CSMD3: variants seen among roughly 807,000 people sequenced by gnomAD.
CSMD3 encodes the protein CUB and sushi domain-containing protein 3.
In CSMD3, 177 loss-of-function variants were observed where a neutral mutation model predicts 435.2. That is an observed-to-expected ratio of 0.41 (90% CI 0.36 to 0.46). The LOEUF (loss-of-function observed/expected upper bound fraction) is 0.46. Among genes scored for constraint, CSMD3 ranks in the 20% least tolerant of loss-of-function variants. CSMD3 has a pLI of 0.34. For missense variants in CSMD3, 4,265 were observed against 4,504.6 expected (o/e 0.95, Z 1.52); for synonymous variants, 1,656 against 1,520.5 (o/e 1.09, Z -2.07).
At chr8:113,297,549 T>C (rs938023860) in intron 2 of CSMD3, among the ~76,000 whole-genome samples, 1 of 152,078 alleles carries the variant, frequency 6.6e-6, no homozygotes, top group African/African-American at 2.4e-5. Context: ...TAATTAGTAA[T>C]CTAAAAATGC....
At position 112,859,146 on chromosome 8, in the gene CSMD3, T is replaced by C. The variant is rs2129856213; in HGVS notation, c.1754A>G (p.Lys585Arg). 6.2e-7 allele frequency: 1 copy of C among 1,610,486 alleles called. No individual in the cohort carries two copies. Among genetic ancestry groups the C allele is most frequent in the Non-Finnish European group, 8.5e-7 (1 of 1,177,092 alleles). Residue 585 changes from lysine (K) to arginine (R), a missense_variant and splice_region_variant, in exon 11 of 71, where the codon AAG (lysine) becomes AGG (arginine). Lys to Arg is a conservative substitution (Grantham distance 26, BLOSUM62 2). Around this residue, in one of 3 missense-constraint regions of CSMD3, gnomAD observed 731 missense variants for 755.4 expected, o/e 0.97. Transcript: ENST00000297405. ...VWVITAVNTN[K>R]VIQINFEEFD... Reference sequence around the variant, plus strand: ...AAATCACAGATGGTGTTCTCTTACCTTATTTGTATTCACTGCTGTGATGAC... The same window carrying C: ...AAATCACAGATGGTGTTCTCTTACCCTATTTGTATTCACTGCTGTGATGAC...
intron 9 of CSMD3, among the ~76,000 whole-genome samples, chr8:112,943,828 C>T (rs1221304327): frequency 6.6e-6 from 1 of 151,598 alleles, no homozygotes; most frequent in African/African-American, 2.4e-5. Context: ...ATCCACTCTC[C>T]TTTTAAAAGT....
chr8:113,102,500 G>C (rs2090358711), intron 4 of CSMD3, among the ~76,000 whole-genome samples: 1 of 152,062 alleles, frequency 6.6e-6, no homozygotes, highest in Admixed American at 6.6e-5. Context: ...CTAAGCAAAT[G>C]ACAAAGTGAA....
At chr8:113,326,577 C>A (rs375321637) in intron 1 of CSMD3, among the ~76,000 whole-genome samples, 1 of 152,000 alleles carries the variant, frequency 6.6e-6, no homozygotes, top group Non-Finnish European at 1.5e-5. Context: ...CATATTAGTA[C>A]GCTCTACATT....
At chr8:113,067,681 A>G (rs2088920306) in intron 5 of CSMD3, among the ~76,000 whole-genome samples, 1 of 152,138 alleles carries the variant, frequency 6.6e-6, no homozygotes, top group Admixed American at 6.5e-5. Flanking sequence ...TACAGCAGAA[A>G]GTAACACTCA....
intron 4 of CSMD3, among the ~76,000 whole-genome samples, chr8:113,143,211 C>G (rs916100676): frequency 6.6e-6 from 1 of 151,084 alleles, no homozygotes. Context: ...AATAAACACA[C>G]AAAAAGGTGT....
chr8:112,555,029 T>C (rs1827995581), intron 25 of CSMD3, among the ~76,000 whole-genome samples: 1 of 151,906 alleles, frequency 6.6e-6, no homozygotes, highest in Admixed American at 6.6e-5. Flanking sequence ...CATCAAATTA[T>C]TCAGTATCAC....
intron 5 of CSMD3, among the ~76,000 whole-genome samples, chr8:113,048,996 T>C (rs1295875759): frequency 6.6e-6 from 1 of 152,134 alleles, no homozygotes; most frequent in Non-Finnish European, 1.5e-5. Flanking sequence ...CCCAGCACTT[T>C]GGGAGGCCGA....
intron 3 of CSMD3, among the ~76,000 whole-genome samples, chr8:113,261,370 G>T (rs1056793914): frequency 6.6e-6 from 1 of 152,062 alleles, no homozygotes; most frequent in African/African-American, 2.4e-5. Context: ...AATTACTTAA[G>T]GGACTCTAAT....
At chr8:113,230,669 C>A (rs2093075491) in intron 3 of CSMD3, among the ~76,000 whole-genome samples, 1 of 151,476 alleles carries the variant, frequency 6.6e-6, no homozygotes, top group African/African-American at 2.4e-5. Flanking sequence ...CCAAGCATCC[C>A]CTGTTATTAA....
chr8:113,435,833 C>T (rs537967033), intron 1 of CSMD3, among the ~76,000 whole-genome samples: 1 of 152,244 alleles, frequency 6.6e-6, no homozygotes, highest in Non-Finnish European at 1.5e-5. Flanking sequence ...TATTTTCTCC[C>T]TAAGGACAGC....
chr8:112,999,299 T>G (rs560312215), intron 6 of CSMD3, among the ~76,000 whole-genome samples: 1 of 151,840 alleles, frequency 6.6e-6, no homozygotes, highest in Non-Finnish European at 1.5e-5. Context: ...TTAATCAAAT[T>G]TATGAAGAGT....
chr8:112,244,165 A>G (rs1445346986), intron 65 of CSMD3, among the ~76,000 whole-genome samples: 1 of 152,160 alleles, frequency 6.6e-6, no homozygotes, highest in Non-Finnish European at 1.5e-5. Context: ...AGAGAATTTG[A>G]AGATAGAATT....
In CSMD3 at chr8:113,413,042, T is replaced by G. The variant is rs2094566372; in HGVS notation, c.178+23635A>C. Among the ~76,000 whole-genome samples, 8 of 152,278 alleles carry G rather than the reference T, an allele frequency of 5.3e-5. No homozygotes were observed. The South Asian group carries it at 1.7e-3, about 32-fold the overall frequency. Reference sequence around the variant, plus strand: ...TCCAAATAAATAATCTGTATCTATCTTGCAACTATATTTATTCAATTGGTA... The same window carrying G: ...TCCAAATAAATAATCTGTATCTATCGTGCAACTATATTTATTCAATTGGTA... On this transcript the variant is annotated intron_variant, in intron 1 of 70. Transcript: ENST00000297405.
chr8:113,300,162 C>CA (rs34291122), intron 2 of CSMD3, among the ~76,000 whole-genome samples: 1,671 of 116,544 alleles, frequency 0.014, 54 homozygotes, highest in African/African-American at 0.038. Context: ...TCAAAAAAGT[C>CA]AAAAAAAAAA....
intron 30 of CSMD3, among the ~76,000 whole-genome samples, chr8:112,499,368 T>C (rs1341736045): frequency 6.6e-6 from 1 of 152,104 alleles, no homozygotes; most frequent in African/African-American, 2.4e-5. Flanking sequence ...TAGTAGATTT[T>C]ACCCAACTAT....
At chr8:112,353,336 G>A (rs1826308676) in intron 38 of CSMD3, among the ~76,000 whole-genome samples, 1 of 152,122 alleles carries the variant, frequency 6.6e-6, no homozygotes, top group African/African-American at 2.4e-5. Context: ...GTTGCAGTGA[G>A]CTGAGATCTT....
chr8:113,356,852 A>C (rs922924461), intron 1 of CSMD3, among the ~76,000 whole-genome samples: 43 of 152,270 alleles, frequency 2.8e-4, no homozygotes, highest in African/African-American at 9.6e-4. Context: ...TAAAAATGCA[A>C]GCAAAAGAAA....
intron 59 of CSMD3, among the ~76,000 whole-genome samples, chr8:112,278,267 G>A (rs568096036): frequency 1.3e-5 from 2 of 152,198 alleles, no homozygotes; most frequent in African/African-American, 4.8e-5. Flanking sequence ...CCTGGCTAGA[G>A]AGTGCTTGGT....
Sources: allele counts gnomAD v4.1 joint callset (sites outside exome capture counted in the v4.1 genomes callset), GRCh38; gene constraint gnomAD v4.1.1; regional missense constraint gnomAD v4.1.1; transcripts MANE v1.5; gene names NCBI Gene and HGNC (gene_info 2026-07-23, HGNC 2026-07-21).